Variants in EPHA6 observed in about 807,000 individuals in gnomAD.
EPHA6 encodes EPH receptor A6.
EPHA6 carries 50 observed loss-of-function variants against 112.0 expected under a neutral mutation model. The ratio of observed to expected loss-of-function variants is 0.45; its 90% CI spans 0.36 to 0.56. The LOEUF is 0.56. EPHA6 is among the 20% of genes least tolerant of loss of function. EPHA6 has a pLI of 0.00. For missense variants in EPHA6, 1,280 were observed against 1,417.4 expected (o/e 0.90, Z 1.56); for synonymous variants, 529 against 490.7 (o/e 1.08, Z -1.03).
intron 4 of EPHA6, among the ~76,000 whole-genome samples, chr3:97,237,243 C>A (rs1479831127): frequency 6.6e-6 from 1 of 151,388 alleles, no homozygotes. Context: ...ATAAAAATAA[C>A]TTAAATATTC....
intron 3 of EPHA6, among the ~76,000 whole-genome samples, chr3:97,210,653 C>T (rs1395797312): frequency 6.6e-6 from 1 of 152,094 alleles, no homozygotes; most frequent in African/African-American, 2.4e-5. Flanking sequence ...TTAGAATGGA[C>T]CTCTGTCTAA....
chr3:97,508,276 T>C (rs185943035), intron 10 of EPHA6, among the ~76,000 whole-genome samples: 1 of 152,350 alleles, frequency 6.6e-6, no homozygotes, highest in East Asian at 1.9e-4. Context: ...TTTAGATTTT[T>C]CCTGCTGTCT....
intron 3 of EPHA6, among the ~76,000 whole-genome samples, chr3:97,117,559 T>C (rs1209545399): frequency 6.6e-6 from 1 of 151,780 alleles, no homozygotes; most frequent in Non-Finnish European, 1.5e-5. Context: ...CCCAGCACCA[T>C]TTGTTGGAGA....
At chr3:97,350,466 C>T (rs1287727938) in intron 5 of EPHA6, among the ~76,000 whole-genome samples, 1 of 151,774 alleles carries the variant, frequency 6.6e-6, no homozygotes, top group Admixed American at 6.6e-5. Context: ...TATAGTGGTC[C>T]TAAGAAGAAT....
chr3:97,135,467 T>C (rs1195305266), intron 3 of EPHA6, among the ~76,000 whole-genome samples: 2 of 152,148 alleles, frequency 1.3e-5, no homozygotes, highest in Non-Finnish European at 2.9e-5. Flanking sequence ...GTACTGAAAG[T>C]AGAAATCAGT....
At chr3:97,511,646 A>G (rs560785293) in intron 10 of EPHA6, among the ~76,000 whole-genome samples, 62 of 151,596 alleles carry the variant, frequency 4.1e-4, no homozygotes, top group Non-Finnish European at 7.3e-4. Flanking sequence ...CTAGCCCTAT[A>G]ACCTGCTTTT....
chr3:96,833,609 A>G (rs1559758329), intron 1 of EPHA6, among the ~76,000 whole-genome samples: 1 of 152,032 alleles, frequency 6.6e-6, no homozygotes, highest in Non-Finnish European at 1.5e-5. Context: ...GAGTGGATAT[A>G]TCATCTCTTA....
intron 5 of EPHA6, among the ~76,000 whole-genome samples, chr3:97,379,888 T>C (rs944519466): frequency 6.6e-6 from 1 of 150,670 alleles, no homozygotes; most frequent in Non-Finnish European, 1.5e-5. Flanking sequence ...ATCAGAAAAA[T>C]GATACATGAT....
At chr3:97,328,086 T>G (rs2108809915) in intron 5 of EPHA6, among the ~76,000 whole-genome samples, 3 of 140,214 alleles carry the variant, frequency 2.1e-5, no homozygotes, top group South Asian at 2.2e-4. Flanking sequence ...TATAACCTGT[T>G]TTGTATAATC....
intron 3 of EPHA6, among the ~76,000 whole-genome samples, chr3:97,061,550 G>T (rs1455481000): frequency 6.6e-6 from 1 of 152,068 alleles, no homozygotes; most frequent in Non-Finnish European, 1.5e-5. Flanking sequence ...AACAATGTTT[G>T]GTTTAAAATG....
chr3:97,723,702 G>C (rs1168547393), intron 15 of EPHA6, among the ~76,000 whole-genome samples: 1 of 145,744 alleles, frequency 6.9e-6, no homozygotes, highest in Admixed American at 6.9e-5. Context: ...GAGGCCTGGG[G>C]GGTGAAAAAA....
intron 5 of EPHA6, among the ~76,000 whole-genome samples, chr3:97,389,847 CAG>C (rs2086297018): frequency 6.6e-6 from 1 of 152,030 alleles, no homozygotes; most frequent in Admixed American, 6.6e-5. Flanking sequence ...TCACAAAAAT[CAG>C]GGGAAAAAAA....
intron 6 of EPHA6, among the ~76,000 whole-genome samples, chr3:97,436,034 A>G (rs993256007): frequency 1.3e-5 from 2 of 152,172 alleles, no homozygotes; most frequent in African/African-American, 2.4e-5. Flanking sequence ...TATTACTTAT[A>G]GTCGCTCAGT....
At chr3:97,526,338 G>A (rs747295914) in intron 10 of EPHA6, among the ~76,000 whole-genome samples, 1 of 152,192 alleles carries the variant, frequency 6.6e-6, no homozygotes, top group Non-Finnish European at 1.5e-5. Context: ...AGCGTGTCAG[G>A]GAAACAGACA....
chr3:97,750,932 C>G lies in EPHA6; in HGVS notation c.*2231C>G, dbSNP rs1397574594. 6.6e-6 allele frequency among the ~76,000 whole-genome samples: 1 copy of G among 152,108 alleles called. No homozygotes were observed. Among genetic ancestry groups the G allele is most frequent in the Non-Finnish European group, 1.5e-5 (1 of 68,016 alleles). On this transcript the variant is annotated 3_prime_UTR_variant, in exon 18 of 18. Transcript: ENST00000389672. The stretch of plus-strand genomic sequence containing the variant: ...CCAGCCATCAACCTGCATGGTTGTG[C>G]ATCACTCATAGACTATCTGCAGTTT...
At position 96,880,274 on chromosome 3, in the gene EPHA6, T is replaced by C. The variant is rs1262057043; in HGVS notation, c.450+13385T>C. ...ACCCCACAAATAATGTATAATTATG[T>C]GTCAATTTAAAACAAAATAAAGTTA... On this transcript the variant is annotated intron_variant, in intron 2 of 17. Coordinates refer to ENST00000389672, the MANE Select transcript of EPHA6 (RefSeq NM_001080448.3). 2.6e-5 allele frequency among the ~76,000 whole-genome samples: 4 copies of C among 152,164 alleles called. No homozygotes were observed. In the South Asian group the frequency reaches 8.3e-4, roughly 31 times the overall value.
intron 14 of EPHA6, among the ~76,000 whole-genome samples, chr3:97,691,138 A>T (rs940021074): frequency 6.6e-6 from 1 of 152,038 alleles, no homozygotes; most frequent in Non-Finnish European, 1.5e-5. Flanking sequence ...TAGGAGTCTA[A>T]TTTTCTTCTA....
intron 5 of EPHA6, among the ~76,000 whole-genome samples, chr3:97,372,632 C>T (rs954075927): frequency 5.3e-5 from 8 of 152,062 alleles, no homozygotes; most frequent in African/African-American, 1.9e-4. Context: ...ACCAGATGTG[C>T]ATGCATTAAC....
chr3:96,936,435 G>A (rs1371480753), intron 2 of EPHA6, among the ~76,000 whole-genome samples: 2 of 151,782 alleles, frequency 1.3e-5, no homozygotes, highest in South Asian at 2.1e-4. Context: ...TAATGATAGA[G>A]TATGAAGTTA....
Sources: gnomAD v4.1 joint callset for allele counts (sites outside exome capture counted in the v4.1 genomes callset) on GRCh38, gnomAD v4.1.1 for gene constraint, MANE v1.5 for transcripts, NCBI Gene and HGNC (gene_info 2026-07-23, HGNC 2026-07-21) for gene names.